The following ACTR3C variants were observed in gnomAD, a reference collection of about 807,000 sequenced individuals.
ACTR3C encodes actin related protein 3C, also known as actin-related protein 3C.
A neutral mutation model predicts 26.3 loss-of-function variants in ACTR3C; 18 were observed. That is an observed-to-expected ratio of 0.68 (90% CI 0.47 to 1.01). The LOEUF is 1.01. Ranked by LOEUF, ACTR3C falls within the 50% of genes least tolerant of loss-of-function variation. The pLI is 0.00. For synonymous variants in ACTR3C, 55 were observed against 94.5 expected, an observed-to-expected ratio of 0.58 and a Z score of 2.42; for missense variants, 184 against 250.7, an observed-to-expected ratio of 0.73 and a Z score of 1.80.
chr7:149,937,314 G>A, the ACTR3C span, among the ~76,000 whole-genome samples: 1 of 146,004 alleles, frequency 6.8e-6, no homozygotes, highest in African/African-American at 2.5e-5. Context: ...GTTAGAGGCG[G>A]AGGCTTTATT....
chr7:150,124,888 C>T, the ACTR3C span, among the ~76,000 whole-genome samples: 11 of 152,180 alleles, frequency 7.2e-5, no homozygotes, highest in Non-Finnish European at 1.6e-4. Flanking sequence ...TAATAATAAC[C>T]ATGTGAAATA....
chr7:149,897,476 C>A, the ACTR3C span, among the ~76,000 whole-genome samples: 1 of 152,242 alleles, frequency 6.6e-6, no homozygotes, highest in East Asian at 1.9e-4. Context: ...AAAATTTGTT[C>A]CAAGACAAAT....
At chr7:150,262,879 G>A (rs562024705) in intron 6 of ACTR3C, among the ~76,000 whole-genome samples, 1 of 152,240 alleles carries the variant, frequency 6.6e-6, no homozygotes, top group East Asian at 1.9e-4. Flanking sequence ...GCCCCCAAGG[G>A]CTTGAAAGTG....
At chr7:150,141,863 T>C in the ACTR3C span, among the ~76,000 whole-genome samples, 5 of 152,102 alleles carry the variant, frequency 3.3e-5, no homozygotes, top group East Asian at 9.8e-4. Flanking sequence ...TCGCAGGTGC[T>C]GAGCTGAGGC....
chr7:150,121,754 A>T, the ACTR3C span, among the ~76,000 whole-genome samples: 3 of 151,726 alleles, frequency 2.0e-5, no homozygotes, highest in African/African-American at 7.3e-5. Flanking sequence ...TATGGAACCG[A>T]AAAAAGAGCC....
At chr7:150,203,215 T>C in the ACTR3C span, among the ~76,000 whole-genome samples, 1 of 152,190 alleles carries the variant, frequency 6.6e-6, no homozygotes, top group African/African-American at 2.4e-5. Context: ...AGATGGTGTG[T>C]GTGGACACTG....
the ACTR3C span, among the ~76,000 whole-genome samples, chr7:150,021,287 T>C: frequency 1.3e-5 from 2 of 151,946 alleles, no homozygotes; most frequent in Non-Finnish European, 2.9e-5. Flanking sequence ...AGTTCATTCC[T>C]TTATTTAGCC....
At chr7:150,220,986 G>A in the ACTR3C span, among the ~76,000 whole-genome samples, 1 of 152,288 alleles carries the variant, frequency 6.6e-6, no homozygotes, top group African/African-American at 2.4e-5. Flanking sequence ...TGGTCGGGAG[G>A]TGGCATAAGA....
At chr7:149,967,028 A>ATTTTTTTTTT in the ACTR3C span, among the ~76,000 whole-genome samples, 57 of 64,714 alleles carry the variant, frequency 8.8e-4, 9 homozygotes, top group South Asian at 1.6e-3. Context: ...TGCACAGCTA[A>ATTTTTTTTTT]TTTTTTTTTT....
chr7:150,079,266 G>A, the ACTR3C span, among the ~76,000 whole-genome samples: 3 of 152,246 alleles, frequency 2.0e-5, no homozygotes, highest in East Asian at 1.9e-4. Context: ...CAGCACCCCC[G>A]AGTACCGGCA....
the ACTR3C span, among the ~76,000 whole-genome samples, chr7:150,156,603 C>T: frequency 6.6e-4 from 99 of 150,456 alleles, no homozygotes; most frequent in Admixed American, 2.7e-3. Context: ...GGAGAGAGAG[C>T]GATTTGGATT....
downstream of ACTR3C, among the ~76,000 whole-genome samples, chr7:150,242,197 C>T (rs1832219519): frequency 6.8e-6 from 1 of 147,756 alleles, no homozygotes; most frequent in African/African-American, 2.6e-5. Context: ...GCCTGGGCGA[C>T]ACAGTGAGAA....
At chr7:150,013,586 T>C in the ACTR3C span, among the ~76,000 whole-genome samples, 4 of 152,218 alleles carry the variant, frequency 2.6e-5, no homozygotes, top group Admixed American at 2.6e-4. Flanking sequence ...GGCCGTTCCC[T>C]CCTCAGGGCT....
intron 6 of ACTR3C, among the ~76,000 whole-genome samples, chr7:150,283,445 T>A (rs1315017693): frequency 1.3e-5 from 2 of 149,826 alleles, no homozygotes; most frequent in Non-Finnish European, 2.9e-5. Flanking sequence ...CAGAAAAAAA[T>A]TTTAATTATA....
chr7:150,020,797 C>T, the ACTR3C span, among the ~76,000 whole-genome samples: 1 of 151,928 alleles, frequency 6.6e-6, no homozygotes, highest in African/African-American at 2.4e-5. Context: ...TTATATGGAA[C>T]TATTTCTGGT....
the ACTR3C span, among the ~76,000 whole-genome samples, chr7:150,131,118 T>G: frequency 6.6e-6 from 1 of 152,184 alleles, no homozygotes; most frequent in East Asian, 1.9e-4. Context: ...AGAATGTGAA[T>G]GAATGCATAC....
At chr7:150,192,970 T>C in the ACTR3C span, among the ~76,000 whole-genome samples, 1 of 152,226 alleles carries the variant, frequency 6.6e-6, no homozygotes, top group Non-Finnish European at 1.5e-5. Context: ...TTAACCTCTG[T>C]ATTGTACCTT....
intron 1 of ACTR3C, among the ~76,000 whole-genome samples, chr7:150,313,307 T>C (rs1796492779): frequency 6.6e-6 from 1 of 152,154 alleles, no homozygotes; most frequent in Admixed American, 6.5e-5. Flanking sequence ...GTGGGACAAC[T>C]TGAAATGGGG....
chr7:150,203,979 C>T, the ACTR3C span, among the ~76,000 whole-genome samples: 4 of 150,534 alleles, frequency 2.7e-5, no homozygotes, highest in East Asian at 2.0e-4. Flanking sequence ...AATTGGTTAG[C>T]GCACATTTAC....
Sources: gnomAD v4.1 joint callset for allele counts (sites outside exome capture counted in the v4.1 genomes callset) on GRCh38, gnomAD v4.1.1 for gene constraint, MANE v1.5 for transcripts, NCBI Gene and HGNC (gene_info 2026-07-23, HGNC 2026-07-21) for gene names.